The following ZDHHC14 variants were observed in gnomAD, a reference collection of about 807,000 sequenced individuals.
The protein encoded by ZDHHC14 is palmitoyltransferase ZDHHC14.
ZDHHC14 carries 16 observed loss-of-function variants against 47.7 expected under a neutral mutation model. The observed-to-expected ratio is 0.34, with a 90% CI of 0.23 to 0.51. The LOEUF (loss-of-function observed/expected upper bound fraction) is 0.51. ZDHHC14 is among the 20% of genes least tolerant of loss of function. ZDHHC14 has a pLI of 0.97. For missense variants in ZDHHC14, 515 were observed against 662.5 expected (o/e 0.78, Z 2.44); for synonymous variants, 293 against 278.9 (o/e 1.05, Z -0.50).
chr6:157,392,645 A>ATGTG (rs372653506), intron 1 of ZDHHC14, among the ~76,000 whole-genome samples: 14,476 of 147,220 alleles, frequency 0.098, 1,151 homozygotes, highest in African/African-American at 0.23. Context: ...TAAGAGAAAG[A>ATGTG]TGTGTGTGTG....
At position 157,392,356 on chromosome 6, in the gene ZDHHC14, G is replaced by A. The variant is rs972623460; in HGVS notation, c.245+10090G>A. Among the ~76,000 whole-genome samples the A allele has an allele frequency of 2.6e-5, 4 of 152,024 alleles. No homozygotes were observed. The East Asian group carries it at 7.7e-4, about 29-fold the overall frequency. ...TGATTTTTCTTGATTTTAAAAGAAA[G>A]TTAATTTTTTTTCTTTTTCTTTATC... On this transcript the variant is annotated intron_variant, in intron 1 of 8. Transcript: ENST00000359775.
chr6:157,475,305 G>A lies in ZDHHC14; in HGVS notation c.246-67280G>A, dbSNP rs1026839408. ...CTAGTAGATTTTGAAAGCAGGTAAT[G>A]TGATGCCTCCATCTTTTTTTGCTCA... On this transcript the variant is annotated intron_variant, in intron 1 of 8. Coordinates refer to ENST00000359775, the MANE Select transcript of ZDHHC14 (RefSeq NM_024630.3). Among the ~76,000 whole-genome samples the A allele has an allele frequency of 3.3e-5, 5 of 152,170 alleles. No homozygotes were observed. The East Asian group carries it at 9.6e-4, about 29-fold the overall frequency.
intron 1 of ZDHHC14, among the ~76,000 whole-genome samples, chr6:157,444,100 C>T (rs1004141582): frequency 6.6e-6 from 1 of 152,208 alleles, no homozygotes; most frequent in Middle Eastern, 3.4e-3. Flanking sequence ...AAGGAACTTG[C>T]CCAAAGTCAA....
At chr6:157,625,697 C>A (rs562539585) in intron 3 of ZDHHC14, among the ~76,000 whole-genome samples, 5 of 151,948 alleles carry the variant, frequency 3.3e-5, no homozygotes, top group African/African-American at 1.2e-4. Flanking sequence ...CCCGCCGAGC[C>A]TCTCAGACTC....
chr6:157,647,972 T>G (rs1777643222), intron 7 of ZDHHC14, among the ~76,000 whole-genome samples: 1 of 152,158 alleles, frequency 6.6e-6, no homozygotes, highest in Non-Finnish European at 1.5e-5. Context: ...TTATATCCCA[T>G]TCTATGGATG....
intron 1 of ZDHHC14, among the ~76,000 whole-genome samples, chr6:157,387,893 T>C (rs1426262416): frequency 1.3e-5 from 2 of 152,196 alleles, no homozygotes; most frequent in African/African-American, 4.8e-5. Context: ...TTGCATTTTG[T>C]AAACCTCTGT....
At chr6:157,439,640 C>T (rs796514187) in intron 1 of ZDHHC14, among the ~76,000 whole-genome samples, 5 of 152,162 alleles carry the variant, frequency 3.3e-5, no homozygotes, top group African/African-American at 1.2e-4. Context: ...ACCATTTGAC[C>T]CAGCAATCTC....
chr6:157,550,812 C>G (rs1782200300), intron 2 of ZDHHC14, among the ~76,000 whole-genome samples: 1 of 152,230 alleles, frequency 6.6e-6, no homozygotes, highest in Admixed American at 6.5e-5. Context: ...CTTACTGCAC[C>G]AATGTCACTT....
chr6:157,408,342 G>A (rs759551006), intron 1 of ZDHHC14, among the ~76,000 whole-genome samples: 4 of 152,096 alleles, frequency 2.6e-5, no homozygotes, highest in Non-Finnish European at 5.9e-5. Flanking sequence ...TGCAGGATGT[G>A]CAGGCTTGTT....
chr6:157,581,821 C>T (rs71563713), intron 2 of ZDHHC14, among the ~76,000 whole-genome samples: 7,897 of 152,030 alleles, frequency 0.052, 245 homozygotes, highest in Middle Eastern at 0.085. Flanking sequence ...TCACTGCATG[C>T]GAGATGGGTC....
chr6:157,650,365 G>C (rs369828213), intron 7 of ZDHHC14, among the ~76,000 whole-genome samples: 41 of 152,104 alleles, frequency 2.7e-4, no homozygotes, highest in African/African-American at 9.2e-4. Flanking sequence ...GGAGTGGGGG[G>C]CGAAGGGAGC....
chr6:157,511,645 C>T (rs2281522), intron 1 of ZDHHC14, among the ~76,000 whole-genome samples: 60,196 of 150,336 alleles, frequency 0.4, 12,354 homozygotes, highest in East Asian at 0.51. Context: ...CCACCCACCT[C>T]GGCCTACCAA....
At chr6:157,490,218 C>T (rs1394111723) in intron 1 of ZDHHC14, among the ~76,000 whole-genome samples, 1 of 152,182 alleles carries the variant, frequency 6.6e-6, no homozygotes, top group African/African-American at 2.4e-5. Context: ...ATAAGGGTCT[C>T]ACAAATTACT....
intron 3 of ZDHHC14, among the ~76,000 whole-genome samples, chr6:157,627,930 A>G (rs1294743095): frequency 6.6e-6 from 1 of 152,196 alleles, no homozygotes; most frequent in East Asian, 1.9e-4. Context: ...TTTACTATGC[A>G]ATGCAGGTCA....
intron 8 of ZDHHC14, among the ~76,000 whole-genome samples, chr6:157,668,070 T>C (rs1209425392): frequency 6.6e-6 from 1 of 152,148 alleles, no homozygotes; most frequent in Non-Finnish European, 1.5e-5. Flanking sequence ...TGGAAATCAG[T>C]TTGAATGTGG....
intron 2 of ZDHHC14, among the ~76,000 whole-genome samples, chr6:157,580,136 C>T (rs568831358): frequency 1.4e-4 from 21 of 152,182 alleles, no homozygotes; most frequent in African/African-American, 5.1e-4. Flanking sequence ...TATTTCTGCA[C>T]CTATTGAGAT....
At chr6:157,483,266 T>C (rs972163629) in intron 1 of ZDHHC14, among the ~76,000 whole-genome samples, 3 of 152,212 alleles carry the variant, frequency 2.0e-5, no homozygotes, top group Admixed American at 1.3e-4. Flanking sequence ...ACTCATTCTT[T>C]AGAAATATTG....
chr6:157,551,008 G>A (rs928050143), intron 2 of ZDHHC14, among the ~76,000 whole-genome samples: 1 of 152,196 alleles, frequency 6.6e-6, no homozygotes, highest in African/African-American at 2.4e-5. Context: ...AGAGGTTGTG[G>A]TGTAGTGGGG....
At chr6:157,470,450 A>T (rs1489557845) in intron 1 of ZDHHC14, among the ~76,000 whole-genome samples, 2 of 152,256 alleles carry the variant, frequency 1.3e-5, no homozygotes, top group Non-Finnish European at 2.9e-5. Flanking sequence ...AATAAGGAAG[A>T]TTATGTATCA....
Sources: allele counts gnomAD v4.1 joint callset (sites outside exome capture counted in the v4.1 genomes callset), GRCh38; gene constraint gnomAD v4.1.1; transcripts MANE v1.5; gene names NCBI Gene and HGNC (gene_info 2026-07-23, HGNC 2026-07-21).